OR9Q1: variants seen among roughly 807,000 people sequenced by gnomAD.
OR9Q1 encodes olfactory receptor 9Q1.
For synonymous variants in OR9Q1, 153 were observed against 148.6 expected, an observed-to-expected ratio of 1.03 and a Z score of -0.22; for missense variants, 374 against 378.8, an observed-to-expected ratio of 0.99 and a Z score of 0.11.
At chr11:58,175,878 C>T (rs1228760096) in intron 2 of OR9Q1, among the ~76,000 whole-genome samples, 3 of 151,548 alleles carry the variant, frequency 2.0e-5, no homozygotes, top group East Asian at 1.9e-4. Context: ...GAATTTGTGG[C>T]TAAAACAATA....
In OR9Q1 at chr11:58,031,587, T is replaced by A. The variant is rs202191020; in HGVS notation, c.-93+7483T>A. 2.8e-5 allele frequency: 45 copies of A among 1,614,090 alleles called. No homozygotes were observed. In the East Asian group the frequency reaches 8.5e-4, roughly 30 times the overall value. On this transcript the variant is annotated intron_variant, in intron 1 of 2. Coordinates refer to ENST00000335397, the MANE Select transcript of OR9Q1 (RefSeq NM_001005212.4). ...TTCCTGGTGTCTCTGGCTGTGCTAC[T>A]GGCCTCCTCTATGGTCATTGCTGTG...
chr11:58,056,622 C>T (rs1853330926), intron 2 of OR9Q1, among the ~76,000 whole-genome samples: 1 of 152,184 alleles, frequency 6.6e-6, no homozygotes, highest in South Asian at 2.1e-4. Context: ...TGCATTTGCA[C>T]TACAACAGCA....
intron 2 of OR9Q1, among the ~76,000 whole-genome samples, chr11:58,175,303 G>A (rs989349859): frequency 5.3e-5 from 8 of 151,956 alleles, no homozygotes; most frequent in Non-Finnish European, 1.2e-4. Context: ...AAGGTCAGGA[G>A]CAATGTCACT....
chr11:58,066,470 C>T (rs1853430711), intron 2 of OR9Q1, among the ~76,000 whole-genome samples: 1 of 152,082 alleles, frequency 6.6e-6, no homozygotes, highest in African/African-American at 2.4e-5. Flanking sequence ...CCTGCTGGGG[C>T]TTCCATGGGA....
chr11:58,096,400 C>G (rs1273333051), intron 2 of OR9Q1, among the ~76,000 whole-genome samples: 1 of 152,196 alleles, frequency 6.6e-6, no homozygotes, highest in Non-Finnish European at 1.5e-5. Flanking sequence ...CCTCCACAGA[C>G]AACCGCTATT....
intron 2 of OR9Q1, among the ~76,000 whole-genome samples, chr11:58,066,222 T>C (rs1271826813): frequency 6.6e-6 from 1 of 152,052 alleles, no homozygotes; most frequent in Admixed American, 6.5e-5. Context: ...TCCAGCGCTG[T>C]GTGTAAGGGG....
chr11:58,179,386 C>T lies in OR9Q1; in HGVS notation c.-14-45C>T, dbSNP rs1854637227. 8.6e-6 allele frequency: 10 copies of T among 1,156,252 alleles called. No homozygotes were observed. The South Asian group carries it at 1.5e-4, about 17-fold the overall frequency. The allele number at this position is 1,156,252 out of a possible 1,614,324, so 71.6% of individuals were successfully genotyped here. A position where few individuals can be genotyped will look rare whatever the true frequency, so the allele number is the denominator to read the frequency against. ...ATGTGAACTACAAATACAGGTAAAT[C>T]CTATTTGCACCTTCCTAACTTGCTT... On this transcript the variant is annotated intron_variant, in intron 2 of 2. Transcript: ENST00000335397.
chr11:58,065,011 G>C (rs1415373606), intron 2 of OR9Q1, among the ~76,000 whole-genome samples: 1 of 151,948 alleles, frequency 6.6e-6, no homozygotes, highest in African/African-American at 2.4e-5. Context: ...GTGACAGGTG[G>C]GCAGATAGAC....
intron 2 of OR9Q1, among the ~76,000 whole-genome samples, chr11:58,176,086 A>T (rs1163344936): frequency 6.6e-6 from 1 of 152,148 alleles, no homozygotes; most frequent in African/African-American, 2.4e-5. Context: ...TGTCTTGCTG[A>T]GGTTTCTGTG....
chr11:58,140,899 C>T (rs1381112959), intron 2 of OR9Q1, among the ~76,000 whole-genome samples: 5 of 152,258 alleles, frequency 3.3e-5, no homozygotes, highest in South Asian at 4.1e-4. Context: ...TTTCACGATA[C>T]TGATTCTTCT....
rs985377704 is a variant in OR9Q1 at position 58,071,197 on chromosome 11, C to A, written c.-15+15250C>A. 5.9e-5 allele frequency among the ~76,000 whole-genome samples: 9 copies of A among 152,106 alleles called. 1 individual carries two copies. In the South Asian group the frequency reaches 1.9e-3, roughly 32 times the overall value. ...CTAAGACACTTAATTTTTCAAGAAGCCAGACAGGGGCTGGGCCTGTTGGCT... is the reference window on the plus strand; with the variant it reads ...CTAAGACACTTAATTTTTCAAGAAGACAGACAGGGGCTGGGCCTGTTGGCT... On this transcript the variant is annotated intron_variant, in intron 2 of 2. Coordinates refer to ENST00000335397, the MANE Select transcript of OR9Q1 (RefSeq NM_001005212.4).
chr11:58,078,997 A>G (rs1383637519), intron 2 of OR9Q1, among the ~76,000 whole-genome samples: 2 of 152,238 alleles, frequency 1.3e-5, no homozygotes, highest in Admixed American at 1.3e-4. Context: ...TCCAGGAGAC[A>G]GCACTGATCC....
chr11:58,107,147 T>C (rs545327295), intron 2 of OR9Q1, among the ~76,000 whole-genome samples: 20 of 151,962 alleles, frequency 1.3e-4, no homozygotes, highest in Non-Finnish European at 2.1e-4. Flanking sequence ...CGTTCTAGGG[T>C]ACATGTGCAG....
At chr11:58,105,753 CTAAG>C (rs1222419598) in intron 2 of OR9Q1, among the ~76,000 whole-genome samples, 11 of 152,264 alleles carry the variant, frequency 7.2e-5, no homozygotes, top group African/African-American at 2.6e-4. Context: ...ACTTATTTGA[CTAAG>C]CATATGTCTT....
intron 2 of OR9Q1, chr11:58,077,504 C>A (rs1368269453): frequency 2.0e-5 from 3 of 152,160 alleles, no homozygotes; most frequent in Admixed American, 1.3e-4. Flanking sequence ...ATCTGAGGTA[C>A]TTCACATGTC....
chr11:58,135,291 A>G (rs1043077079), intron 2 of OR9Q1, among the ~76,000 whole-genome samples: 5 of 152,146 alleles, frequency 3.3e-5, no homozygotes, highest in Non-Finnish European at 5.9e-5. Flanking sequence ...TTTTTTTCCA[A>G]ACAAGATTTT....
chr11:58,119,064 G>T (rs1397297343), intron 2 of OR9Q1: 1 of 1,613,992 alleles, frequency 6.2e-7, no homozygotes, highest in African/African-American at 1.3e-5. Flanking sequence ...GCAGTGGGTT[G>T]CGAATGGCAG....
intron 2 of OR9Q1, among the ~76,000 whole-genome samples, chr11:58,110,977 C>T (rs1479603630): frequency 6.6e-6 from 1 of 152,104 alleles, no homozygotes; most frequent in Non-Finnish European, 1.5e-5. Flanking sequence ...GGGGTCCTAC[C>T]AGTCACAGAA....
intron 2 of OR9Q1, among the ~76,000 whole-genome samples, chr11:58,071,093 A>G (rs576386592): frequency 6.6e-6 from 1 of 152,308 alleles, no homozygotes; most frequent in South Asian, 2.1e-4. Context: ...TATATCCAGC[A>G]GCAATTGGGA....
Sources: allele counts gnomAD v4.1 joint callset (sites outside exome capture counted in the v4.1 genomes callset), GRCh38; gene constraint gnomAD v4.1.1; transcripts MANE v1.5; gene names NCBI Gene and HGNC (gene_info 2026-07-23, HGNC 2026-07-21).